Variants in DTNB observed in about 807,000 individuals in gnomAD.
DTNB encodes the protein dystrobrevin beta, also known as DTN-B.
DTNB carries 63 observed loss-of-function variants against 90.7 expected under a neutral mutation model. The ratio of observed to expected loss-of-function variants is 0.69; its 90% CI spans 0.57 to 0.86. The LOEUF (loss-of-function observed/expected upper bound fraction) is 0.86. Ranked by LOEUF, DTNB falls within the 40% of genes least tolerant of loss-of-function variation. The probability of loss-of-function intolerance (pLI) is 0.00; values close to 1 mark genes in which losing one functional copy is unlikely to be tolerated. For synonymous variants in DTNB, 277 were observed against 286.7 expected, an observed-to-expected ratio of 0.97 and a Z score of 0.34; for missense variants, 744 against 807.1, an observed-to-expected ratio of 0.92 and a Z score of 0.95.
chr2:25,584,291 A>C (rs1465644709), intron 6 of DTNB, among the ~76,000 whole-genome samples: 1 of 152,180 alleles, frequency 6.6e-6, no homozygotes, highest in African/African-American at 2.4e-5. Flanking sequence ...CCCTTTCCCA[A>C]CTATATAGCT....
intron 6 of DTNB, among the ~76,000 whole-genome samples, chr2:25,584,915 C>A (rs1216025958): frequency 2.6e-5 from 4 of 152,090 alleles, no homozygotes; most frequent in Non-Finnish European, 5.9e-5. Flanking sequence ...AATAAAAGCT[C>A]TTTGGGGTCC....
At chr2:25,667,520 C>T (rs1012939718) in intron 1 of DTNB, among the ~76,000 whole-genome samples, 1 of 151,920 alleles carries the variant, frequency 6.6e-6, no homozygotes, top group Non-Finnish European at 1.5e-5. Context: ...TACTTCAAAA[C>T]ACATGAAGAG....
chr2:25,533,925 AATTTTT>A (rs1325419693), intron 8 of DTNB, among the ~76,000 whole-genome samples: 16 of 151,468 alleles, frequency 1.1e-4, no homozygotes, highest in Admixed American at 4.6e-4. Context: ...GCTACACTGC[AATTTTT>A]ATTTTTATTT....
chr2:25,582,000 A>G (rs953284781), intron 6 of DTNB, among the ~76,000 whole-genome samples: 15 of 152,248 alleles, frequency 9.9e-5, no homozygotes, highest in Admixed American at 9.8e-4. Context: ...GTCTCTCCCA[A>G]GTAACTGTTC....
At chr2:25,409,997 T>G (rs1394684781) in intron 16 of DTNB, among the ~76,000 whole-genome samples, 1 of 152,212 alleles carries the variant, frequency 6.6e-6, no homozygotes, top group African/African-American at 2.4e-5. Flanking sequence ...TGTCTCTATT[T>G]TCACTTGTTC....
intron 16 of DTNB, among the ~76,000 whole-genome samples, chr2:25,406,396 G>A (rs1057478236): frequency 2.0e-5 from 3 of 151,984 alleles, no homozygotes; most frequent in Non-Finnish European, 4.4e-5. Flanking sequence ...TTAGCCAGGT[G>A]TGGTGGTGCA....
At chr2:25,534,545 A>G (rs1426779460) in intron 8 of DTNB, among the ~76,000 whole-genome samples, 1 of 151,822 alleles carries the variant, frequency 6.6e-6, no homozygotes, top group Non-Finnish European at 1.5e-5. Flanking sequence ...CACTTCCCAG[A>G]TGGGGCGGCC....
intron 12 of DTNB, among the ~76,000 whole-genome samples, chr2:25,442,188 T>C (rs2057563210): frequency 6.6e-6 from 1 of 152,222 alleles, no homozygotes; most frequent in Non-Finnish European, 1.5e-5. Flanking sequence ...TACTGGTCCT[T>C]TGCCAAGAGG....
chr2:25,632,240 A>AGCAAATCT (rs1023182793), intron 3 of DTNB, among the ~76,000 whole-genome samples: 1 of 151,972 alleles, frequency 6.6e-6, no homozygotes, highest in African/African-American at 2.4e-5. Flanking sequence ...TGAGCCATAA[A>AGCAAATCT]GCAAATCTCA....
At chr2:25,591,713 T>C (rs1437496451) in intron 6 of DTNB, among the ~76,000 whole-genome samples, 1 of 152,106 alleles carries the variant, frequency 6.6e-6, no homozygotes, top group Non-Finnish European at 1.5e-5. Flanking sequence ...GCAAGGACAA[T>C]TTTTCTATTA....
At chr2:25,610,138 T>C (rs2068199292) in intron 4 of DTNB, among the ~76,000 whole-genome samples, 1 of 151,992 alleles carries the variant, frequency 6.6e-6, no homozygotes, top group Non-Finnish European at 1.5e-5. Flanking sequence ...TGAGACAGGG[T>C]CTCCCTCTGT....
intron 16 of DTNB, among the ~76,000 whole-genome samples, chr2:25,393,940 C>T (rs1212667864): frequency 6.6e-6 from 1 of 152,112 alleles, no homozygotes; most frequent in Non-Finnish European, 1.5e-5. Flanking sequence ...ATAGCCACAG[C>T]AAGACTAAGC....
intron 4 of DTNB, among the ~76,000 whole-genome samples, chr2:25,609,374 A>G (rs1429375836): frequency 6.6e-6 from 1 of 152,088 alleles, no homozygotes; most frequent in Non-Finnish European, 1.5e-5. Context: ...CGAGGCAGGC[A>G]GATCACCTGA....
intron 12 of DTNB, among the ~76,000 whole-genome samples, chr2:25,448,567 T>G (rs1341725112): frequency 6.6e-6 from 1 of 152,212 alleles, no homozygotes; most frequent in Non-Finnish European, 1.5e-5. Context: ...ATCTTAAGTA[T>G]TCCATTGACG....
At chr2:25,574,672 C>T (rs774743490) in intron 8 of DTNB, among the ~76,000 whole-genome samples, 2 of 152,158 alleles carry the variant, frequency 1.3e-5, no homozygotes, top group Non-Finnish European at 1.5e-5. Flanking sequence ...AGCTGGAAAC[C>T]TCTTTACTCA....
chr2:25,405,513 C>A (rs148321211), intron 16 of DTNB, among the ~76,000 whole-genome samples: 262 of 152,218 alleles, frequency 1.7e-3, no homozygotes, highest in African/African-American at 5.9e-3. Context: ...GCACTCCACC[C>A]TGGGTGACAG....
chr2:25,631,460 C>A, intron 3 of DTNB, among the ~76,000 whole-genome samples: 1 of 151,306 alleles, frequency 6.6e-6, no homozygotes. Flanking sequence ...GTAGTCTTAG[C>A]TATTGGGGAG....
At chr2:25,470,730 T>C (rs575354886) in intron 10 of DTNB, among the ~76,000 whole-genome samples, 1 of 152,124 alleles carries the variant, frequency 6.6e-6, no homozygotes, top group Non-Finnish European at 1.5e-5. Context: ...GTTATAGCAA[T>C]GTAAACACAT....
At chr2:25,667,523 A>G (rs1165838133) in intron 1 of DTNB, among the ~76,000 whole-genome samples, 2 of 152,148 alleles carry the variant, frequency 1.3e-5, no homozygotes, top group Non-Finnish European at 2.9e-5. Flanking sequence ...TTCAAAACAC[A>G]TGAAGAGATA....
Sources: allele counts gnomAD v4.1 joint callset (sites outside exome capture counted in the v4.1 genomes callset), GRCh38; gene constraint gnomAD v4.1.1; transcripts MANE v1.5; gene names NCBI Gene and HGNC (gene_info 2026-07-23, HGNC 2026-07-21).